The following MUC4 variants were observed in gnomAD, a reference collection of about 807,000 sequenced individuals.
MUC4 encodes mucin-4.
A neutral mutation model predicts 257.9 loss-of-function variants in MUC4; 202 were observed. The ratio of observed to expected loss-of-function variants is 0.78; its 90% CI spans 0.70 to 0.88. MUC4 has a LOEUF of 0.88. MUC4 is among the 40% of genes least tolerant of loss of function. MUC4 has a pLI of 0.00. For missense variants in MUC4, 5,976 were observed against 6,513.7 expected, an observed-to-expected ratio of 0.92 and a Z score of 2.84; for synonymous variants, 2,351 against 2,757.1, an observed-to-expected ratio of 0.85 and a Z score of 4.62.
intron 1 of MUC4, among the ~76,000 whole-genome samples, chr3:195,802,528 G>A (rs1285534100): frequency 6.6e-6 from 1 of 151,972 alleles, no homozygotes; most frequent in African/African-American, 2.4e-5. Context: ...GTGTCTGGTA[G>A]GTCCTGGGGT....
At chr3:195,793,237 C>G (rs909950042) in intron 1 of MUC4, among the ~76,000 whole-genome samples, 9 of 152,142 alleles carry the variant, frequency 5.9e-5, no homozygotes, top group Non-Finnish European at 1.3e-4. Flanking sequence ...GTAGCCCCAC[C>G]TGCAATCCCA....
chr3:195,780,259 G>C lies in MUC4; in HGVS notation c.11321C>G (p.Ala3774Gly). ...TDASSVSTGHATPLPVTDASS... is the reference protein window; with the variant it reads ...TDASSVSTGHGTPLPVTDASS... ...AGCGTCGGTGACAGGAAGAGGCGTG[G>C]CGTGACCTGTGGACACTGAGGAAGC... Residue 3774 changes from alanine (A) to glycine (G), a missense_variant, in exon 2 of 25, where the codon GCC (alanine) becomes GGC (glycine). Transcript: ENST00000463781. The C allele has an allele frequency of 6.6e-7, 1 of 1,520,096 alleles. No individual in the cohort carries two copies. The highest frequency in any genetic ancestry group is 8.9e-7 in the Non-Finnish European group (1 of 1,123,580). The allele number at this position is 1,520,096 out of a possible 1,614,324, so 94.2% of individuals were successfully genotyped here.
intron 1 of MUC4, among the ~76,000 whole-genome samples, chr3:195,795,701 A>G (rs931117337): frequency 3.3e-5 from 5 of 152,152 alleles, no homozygotes; most frequent in African/African-American, 4.8e-5. Context: ...AAAGACCAGG[A>G]AGAAAAAAGA....
Position 195,786,451 on chromosome 3 carries a change from G to C in MUC4, c.5129C>G (p.Ala1710Gly). 4 of 1,530,706 alleles carry C rather than the reference G, an allele frequency of 2.6e-6. 1 individual carries two copies. The highest frequency in any genetic ancestry group is 3.5e-6 in the Non-Finnish European group (4 of 1,135,068). The allele number at this position is 1,530,706 out of a possible 1,614,324, so 94.8% of individuals were successfully genotyped here. The change falls in exon 2 of 25, where the codon GCC becomes GGC. Residue 1710 changes from alanine (A) to glycine (G), a missense_variant. Ala to Gly is a moderately conservative substitution (Grantham distance 60). This residue lies in a region of MUC4 where 138 missense variants were observed against 107.8 expected (regional missense o/e 1.28). Transcript: ENST00000463781. ...TDVSSASTGQ[A>G]TPLPVTSLSS... is the part of the protein sequence containing the mutation. ...AAGGCTGGTGACAGGAAGAGGGGTG[G>C]CCTGACCTGTGGATGCCGAGGAAAC...
chr3:195,784,414 T>TTGGTGA lies in MUC4; in HGVS notation c.7165_7166insTCACCA (p.Asp2389delinsValThrAsn), dbSNP rs1730250212. ...GTCACCTGTGGATGCTGAGGAAGCG[T>TTGGTGA]CGGTGACAGGAAGAGGGGTGGTGTG... On this transcript the variant is annotated protein_altering_variant, in exon 2 of 25. Transcript: ENST00000463781. 1 of 801,836 alleles carries TTGGTGA rather than the reference T, an allele frequency of 1.2e-6. No individual in the cohort carries two copies. Among genetic ancestry groups the TTGGTGA allele is most frequent in the Non-Finnish European group, 1.6e-6 (1 of 632,628 alleles). The allele number at this position is 801,836 out of a possible 1,614,324, so 49.7% of individuals were successfully genotyped here.
intron 1 of MUC4, among the ~76,000 whole-genome samples, chr3:195,798,971 C>T (rs568443505): frequency 2.6e-5 from 4 of 152,134 alleles, no homozygotes; most frequent in Admixed American, 2.6e-4. Flanking sequence ...ATAAAAACTC[C>T]CCCTGCTGAG....
rs199812923 is a variant in MUC4, at chr3:195,783,357, C to A, written c.8223G>T (p.Glu2741Asp). The change falls in exon 2 of 25, where the codon GAG becomes GAT. Residue 2741 changes from glutamate to aspartate, a missense_variant. This residue lies in a region of MUC4 where 75 missense variants were observed against 58.7 expected (regional missense o/e 1.28). Transcript: ENST00000463781. The part of the protein sequence containing the change: ...TGDTTPLLVT[E>D]TSSVSTGDTT... ...TGTCACCTGTGGATACTGAGGAAGT[C>A]TCGGTGACAAGAAGAGGGGTGGTGT... 0.019 allele frequency: 6,392 copies of A among 333,208 alleles called. 50 individuals carry two copies. The highest frequency in any genetic ancestry group is 0.034 in the African/African-American group (506 of 14,674). 20.6% of individuals were successfully genotyped at this position (333,208 alleles called of 1,614,324 possible).
In MUC4 at chr3:195,778,070, C is replaced by T. The variant is rs184944443; in HGVS notation, c.12943+233G>A. On this transcript the variant is annotated intron_variant, in intron 3 of 24. Coordinates refer to ENST00000463781, the MANE Select transcript of MUC4 (RefSeq NM_018406.7). ...GGATGAGTCCTCTAACCGCCGCTAC[C>T]GGACCGTCCATCTATCCCTTGCTGA... Among the ~76,000 whole-genome samples the T allele has an allele frequency of 4.4e-3, 671 of 152,348 alleles. 19 individuals are homozygous for T. The highest frequency in any genetic ancestry group is 0.034 in the Admixed American group (526 of 15,300).
chr3:195,750,111 C>T (rs6805484), intron 23 of MUC4: 59,764 of 150,078 alleles, frequency 0.4, 14,200 homozygotes, highest in African/African-American at 0.69. Context: ...AACAGCAGTT[C>T]CTGTTGTGTT....
At position 195,767,763 on chromosome 3, in the gene MUC4, C is replaced by T. The variant is rs1171740577; in HGVS notation, c.13530-1012G>A. Among the ~76,000 whole-genome samples, 101 of 98,460 alleles carry T rather than the reference C, an allele frequency of 1.0e-3. 2 individuals are homozygous for T. Among genetic ancestry groups the T allele is most frequent in the Non-Finnish European group, 1.4e-3 (70 of 48,792 alleles). The allele number at this position is 98,460 out of a possible 152,430, so 64.6% of individuals were successfully genotyped here. On this transcript the variant is annotated intron_variant, in intron 7 of 24. Coordinates refer to ENST00000463781, the MANE Select transcript of MUC4 (RefSeq NM_018406.7). ...ATCACCATCGCCACCACCACCATCACCACCACCACCACCATCACCACCATC... is the reference window on the plus strand; with the variant it reads ...ATCACCATCGCCACCACCACCATCATCACCACCACCACCATCACCACCATC...
At chr3:195,767,684 CT>C (rs1268595425) in intron 7 of MUC4, among the ~76,000 whole-genome samples, 1 of 1,310 alleles carries the variant, frequency 7.6e-4, no homozygotes, top group Non-Finnish European at 1.6e-3. Flanking sequence ...ACCACCATCA[CT>C]GGCCACCCCC....
At chr3:195,796,608 G>A (rs187800965) in intron 1 of MUC4, among the ~76,000 whole-genome samples, 104 of 151,868 alleles carry the variant, frequency 6.8e-4, no homozygotes, top group Non-Finnish European at 9.6e-4. Context: ...GGAGAACGGC[G>A]TGAACCTGGG....
chr3:195,778,763 C>A lies in MUC4; in HGVS notation c.12790+27G>T, dbSNP rs1414816918. Reference sequence around the variant, plus strand: ...TTCCGCCAAGGGGCCCACTGGGAGACATAAAGGCGAGGCAGTTGGCAGCTA... The same window carrying A: ...TTCCGCCAAGGGGCCCACTGGGAGAAATAAAGGCGAGGCAGTTGGCAGCTA... On this transcript the variant is annotated intron_variant, in intron 2 of 24. Transcript: ENST00000463781. The A allele has an allele frequency of 1.9e-6, 3 of 1,585,796 alleles. No homozygotes were observed. In the South Asian group the frequency reaches 3.4e-5, roughly 18 times the overall value.
At position 195,747,100 on chromosome 3, in the gene MUC4, C is replaced by T; in HGVS notation, c.*76G>A. Reference sequence around the variant, plus strand: ...TCAGTCACCTTCCCTTTTCCAGTCTCCCAAAAGCAATGGCGCCTTAAATGT... The same window carrying T: ...TCAGTCACCTTCCCTTTTCCAGTCTTCCAAAAGCAATGGCGCCTTAAATGT... On this transcript the variant is annotated 3_prime_UTR_variant, in exon 25 of 25. Coordinates refer to ENST00000463781, the MANE Select transcript of MUC4 (RefSeq NM_018406.7). 1.3e-6 allele frequency: 2 copies of T among 1,576,312 alleles called. No individual in the cohort carries two copies. Among genetic ancestry groups the T allele is most frequent in the Middle Eastern group, 3.4e-4 (2 of 5,960 alleles).
intron 1 of MUC4, among the ~76,000 whole-genome samples, chr3:195,794,100 TAATAATAAA>T (rs1734238206): frequency 4.4e-5 from 6 of 136,430 alleles, no homozygotes; most frequent in Admixed American, 1.5e-4. Context: ...ATAATAATAA[TAATAATAAA>T]AATAGATATT....
intron 1 of MUC4, among the ~76,000 whole-genome samples, chr3:195,799,277 G>A (rs1578468695): frequency 7.1e-6 from 1 of 141,284 alleles, no homozygotes; most frequent in Non-Finnish European, 1.6e-5. Context: ...GTGTGTGTGT[G>A]TCCCTGCCCT....
In MUC4 at chr3:195,811,851, A is replaced by G; in HGVS notation, c.-34T>C. On this transcript the variant is annotated 5_prime_UTR_variant, in exon 1 of 25. Transcript: ENST00000463781. Reference sequence around the variant, plus strand: ...CAAAAGTCCCCCTGGCTCCCTGGGGAAGCTCCACGGCCCAGCAGCTGCAGT... The same window carrying G: ...CAAAAGTCCCCCTGGCTCCCTGGGGGAGCTCCACGGCCCAGCAGCTGCAGT... 1 of 1,604,238 alleles carries G rather than the reference A, an allele frequency of 6.2e-7. No individual in the cohort carries two copies. Among genetic ancestry groups the G allele is most frequent in the Non-Finnish European group, 8.5e-7 (1 of 1,172,274 alleles).
intron 24 of MUC4, among the ~76,000 whole-genome samples, chr3:195,747,902 T>TG (rs1229477045): frequency 1.3e-5 from 2 of 152,264 alleles, no homozygotes; most frequent in African/African-American, 4.8e-5. Context: ...CAGCTGCACG[T>TG]GCAGTCAGCT....
rs767435479 is a variant in MUC4 at position 195,781,304 on chromosome 3, G to C, written c.10276C>G (p.Pro3426Ala). 540 of 1,412,614 alleles carry C rather than the reference G, an allele frequency of 3.8e-4. No individual in the cohort carries two copies. Among genetic ancestry groups the C allele is most frequent in the Non-Finnish European group, 4.9e-4 (514 of 1,047,940 alleles). The allele number at this position is 1,412,614 out of a possible 1,614,324, so 87.5% of individuals were successfully genotyped here. A position where few individuals can be genotyped will look rare whatever the true frequency, so the allele number is the denominator to read the frequency against. Residue 3426 changes from proline (P) to alanine (A), a missense_variant, in exon 2 of 25, where the codon CCT (proline) becomes GCT (alanine). Coordinates refer to ENST00000463781, the MANE Select transcript of MUC4 (RefSeq NM_018406.7). ...SASTGHATPLPVTSTSSASTG... is the reference protein window; with the variant it reads ...SASTGHATPLAVTSTSSASTG... The stretch of plus-strand genomic sequence containing the variant: ...GATGCTGAGGAAGTGCTGGTGACAG[G>C]AAGAGGGGTGGCGTGACCTGTGGAT...
Sources: allele counts gnomAD v4.1 joint callset (sites outside exome capture counted in the v4.1 genomes callset), GRCh38; gene constraint gnomAD v4.1.1; regional missense constraint gnomAD v4.1.1; transcripts MANE v1.5; gene names NCBI Gene and HGNC (gene_info 2026-07-23, HGNC 2026-07-21).